Variants in ZHX2 observed in about 807,000 individuals in gnomAD.
ZHX2 encodes zinc fingers and homeoboxes 2.
A neutral mutation model predicts 21.9 loss-of-function variants in ZHX2; 6 were observed. That is an observed-to-expected ratio of 0.27 (90% CI 0.15 to 0.54). ZHX2 has a LOEUF of 0.54. Among genes scored for constraint, ZHX2 ranks in the 20% least tolerant of loss-of-function variants. The pLI, the probability that ZHX2 is intolerant of heterozygous loss-of-function variation, is 0.95. For synonymous variants in ZHX2, 434 were observed against 437.1 expected, an observed-to-expected ratio of 0.99 and a Z score of 0.09; for missense variants, 908 against 1,090.7, an observed-to-expected ratio of 0.83 and a Z score of 2.36.
At chr8:122,860,669 G>A (rs1012225418) in intron 1 of ZHX2, among the ~76,000 whole-genome samples, 1 of 152,222 alleles carries the variant, frequency 6.6e-6, no homozygotes, top group Non-Finnish European at 1.5e-5. Context: ...AGGCAGCCGA[G>A]TTATGGAGGC....
chr8:122,803,291 G>T (rs1817755916), intron 1 of ZHX2, among the ~76,000 whole-genome samples: 2 of 152,124 alleles, frequency 1.3e-5, no homozygotes, highest in East Asian at 3.9e-4. Flanking sequence ...GACCGTGATG[G>T]TGGCCCCGGC....
chr8:122,889,190 G>T (rs1184038435), intron 2 of ZHX2, among the ~76,000 whole-genome samples: 1 of 152,160 alleles, frequency 6.6e-6, no homozygotes, highest in Admixed American at 6.5e-5. Context: ...ATAAACATGG[G>T]AGTGCAGATA....
Position 122,865,502 on chromosome 8 carries a change from C to T in ZHX2, c.-220+1963C>T, listed in dbSNP as rs139961167. The stretch of plus-strand genomic sequence containing the variant: ...GTGCTTGCATTCATAGAACCTGGCA[C>T]GTAGTAGGTGCTCAGTAAATGATTG... On this transcript the variant is annotated intron_variant, in intron 2 of 3. Transcript: ENST00000314393. Among the ~76,000 whole-genome samples the T allele has an allele frequency of 1.9e-3, 283 of 152,210 alleles. 1 individual carries two copies. Among genetic ancestry groups the T allele is most frequent in the Non-Finnish European group, 3.5e-3 (241 of 68,018 alleles).
Position 122,951,631 on chromosome 8 carries a change from G to C in ZHX2, c.121G>C (p.Asp41His). 6.2e-7 allele frequency: 1 copy of C among 1,614,020 alleles called. No homozygotes were observed. Among genetic ancestry groups the C allele is most frequent in the African/African-American group, 1.3e-5 (1 of 75,030 alleles). ...KEKGIGTPQPDVAKDSWAAEL... is the reference protein window; with the variant it reads ...KEKGIGTPQPHVAKDSWAAEL... ...GAAAGGAATCGGCACACCACAGCCT[G>C]ACGTGGCCAAGGACAGTTGGGCAGC... Residue 41 changes from aspartate (D) to histidine (H), a missense_variant, in exon 3 of 4, where the codon GAC becomes CAC. Around this residue, in one of 4 missense-constraint regions of ZHX2, gnomAD observed 220 missense variants for 251.4 expected, o/e 0.88. Transcript: ENST00000314393.
intron 1 of ZHX2, chr8:122,815,660 G>A (rs1490453925): frequency 6.5e-6 from 1 of 152,962 alleles, no homozygotes; most frequent in Non-Finnish European, 1.5e-5. Context: ...CTGCCGCAGG[G>A]TTTAAGAGGA....
chr8:122,931,821 T>C (rs952750100), intron 2 of ZHX2, among the ~76,000 whole-genome samples: 3 of 152,068 alleles, frequency 2.0e-5, no homozygotes, highest in African/African-American at 7.2e-5. Context: ...GGAGCATTAA[T>C]GAATGGGAGA....
At position 122,908,185 on chromosome 8, in the gene ZHX2, G is replaced by C. The variant is rs145612231; in HGVS notation, c.-219-43107G>C. ...TGAGAGTTGGAGCATTGTGTCAACT[G>C]TAAAGTCCTTGGTTTGTTTGTTTGT... is the stretch of plus-strand genomic sequence containing the variant. On this transcript the variant is annotated intron_variant, in intron 2 of 3. Coordinates refer to ENST00000314393, the MANE Select transcript of ZHX2 (RefSeq NM_014943.5). Among the ~76,000 whole-genome samples, 394 of 152,214 alleles carry C rather than the reference G, an allele frequency of 2.6e-3. 1 individual carries two copies. The highest frequency in any genetic ancestry group is 9.2e-3 in the African/African-American group (383 of 41,542).
At chr8:122,894,323 C>T (rs1023260562) in intron 2 of ZHX2, among the ~76,000 whole-genome samples, 1 of 152,230 alleles carries the variant, frequency 6.6e-6, no homozygotes, top group African/African-American at 2.4e-5. Context: ...CCAGGTCACT[C>T]TGTATGAAAC....
intron 1 of ZHX2, among the ~76,000 whole-genome samples, chr8:122,789,590 C>T (rs1817471148): frequency 6.6e-6 from 1 of 152,204 alleles, no homozygotes; most frequent in Non-Finnish European, 1.5e-5. Context: ...GCCAGGAGGC[C>T]AGGAGGCCAG....
At chr8:122,950,966 C>A (rs117346995) in intron 2 of ZHX2, among the ~76,000 whole-genome samples, 1,527 of 152,208 alleles carry the variant, frequency 0.01, 37 homozygotes, top group Admixed American at 0.053. Context: ...AAGTGGCTTG[C>A]AAGCACACCA....
intron 2 of ZHX2, among the ~76,000 whole-genome samples, chr8:122,916,366 G>A (rs895264191): frequency 6.6e-6 from 1 of 152,196 alleles, no homozygotes; most frequent in Non-Finnish European, 1.5e-5. Flanking sequence ...GTTAAGAGGG[G>A]CCCTTCCCCT....
intron 2 of ZHX2, among the ~76,000 whole-genome samples, chr8:122,900,894 C>T (rs1283060141): frequency 6.6e-6 from 1 of 152,212 alleles, no homozygotes; most frequent in African/African-American, 2.4e-5. Context: ...GTAGCACTCT[C>T]CTGGCACACT....
At chr8:122,918,356 T>C (rs1487239682) in intron 2 of ZHX2, among the ~76,000 whole-genome samples, 1 of 152,168 alleles carries the variant, frequency 6.6e-6, no homozygotes, top group South Asian at 2.1e-4. Flanking sequence ...CCCAGCAAAT[T>C]GGGCAAAGCT....
intron 1 of ZHX2, among the ~76,000 whole-genome samples, chr8:122,792,749 AC>A (rs1173416666): frequency 1.3e-5 from 2 of 152,164 alleles, no homozygotes; most frequent in African/African-American, 4.8e-5. Context: ...TCATTGGACT[AC>A]CCAGGGCCAG....
rs1818299304 is a variant in ZHX2 at position 122,828,056 on chromosome 8, G to A, written c.-282-35421G>A. Among the ~76,000 whole-genome samples the A allele has an allele frequency of 6.6e-6, 1 of 152,210 alleles. No homozygotes were observed. Among genetic ancestry groups the A allele is most frequent in the South Asian group, 2.1e-4 (1 of 4,834 alleles). ...TTGAGCCCAGAAGGTTGAGGTTGGAGTGAGCCATGATCTCTCCACTGCACT... is the reference window on the plus strand; with the variant it reads ...TTGAGCCCAGAAGGTTGAGGTTGGAATGAGCCATGATCTCTCCACTGCACT... On this transcript the variant is annotated intron_variant, in intron 1 of 3. Coordinates refer to ENST00000314393, the MANE Select transcript of ZHX2 (RefSeq NM_014943.5). This position sits in a 1 kb window ranked among gnomAD's most constrained non-coding sequence, Gnocchi z 5.2.
intron 2 of ZHX2, among the ~76,000 whole-genome samples, chr8:122,886,409 G>C (rs1819843834): frequency 6.6e-6 from 1 of 152,192 alleles, no homozygotes; most frequent in African/African-American, 2.4e-5. Flanking sequence ...AGGACACTAT[G>C]CATTTGTCAA....
intron 2 of ZHX2, among the ~76,000 whole-genome samples, chr8:122,884,129 A>G (rs1042964144): frequency 7.9e-5 from 12 of 152,232 alleles, no homozygotes; most frequent in Non-Finnish European, 1.6e-4. Flanking sequence ...CTGTAACACA[A>G]TGATAACTAT....
intron 1 of ZHX2, among the ~76,000 whole-genome samples, chr8:122,796,962 G>A (rs1817624490): frequency 6.6e-6 from 1 of 152,188 alleles, no homozygotes. Context: ...CCTCCCATCA[G>A]GCAGATGCAG....
rs150651667 is a variant in ZHX2 at position 122,859,131 on chromosome 8, G to A, written c.-282-4346G>A. Among the ~76,000 whole-genome samples, 366 of 152,344 alleles carry A rather than the reference G, an allele frequency of 2.4e-3. 2 individuals are homozygous for A. Among genetic ancestry groups the A allele is most frequent in the African/African-American group, 7.8e-3 (326 of 41,576 alleles). ...TGATTGGCATAAGGACACAGAACAC[G>A]TGTGAGAGAGAAACGGGACCAGACT... On this transcript the variant is annotated intron_variant, in intron 1 of 3. Coordinates refer to ENST00000314393, the MANE Select transcript of ZHX2 (RefSeq NM_014943.5).
Sources: allele counts gnomAD v4.1 joint callset (sites outside exome capture counted in the v4.1 genomes callset), GRCh38; gene constraint gnomAD v4.1.1; regional missense constraint gnomAD v4.1.1; non-coding constraint Gnocchi (gnomAD v3.1); transcripts MANE v1.5; gene names NCBI Gene and HGNC (gene_info 2026-07-23, HGNC 2026-07-21).